Variants in BRI3BP observed in about 807,000 individuals in gnomAD.
BRI3BP encodes BRI3 binding protein.
A neutral mutation model predicts 15.8 loss-of-function variants in BRI3BP; 7 were observed. That is an observed-to-expected ratio of 0.44 (90% CI 0.25 to 0.83). The LOEUF (loss-of-function observed/expected upper bound fraction) is 0.83, where lower values mean the gene tolerates loss of function less well. Among genes scored for constraint, BRI3BP ranks in the 40% least tolerant of loss-of-function variants. The probability of loss-of-function intolerance (pLI) is 0.20; values close to 1 mark genes in which losing one functional copy is unlikely to be tolerated. For missense variants in BRI3BP, 320 were observed against 339.3 expected, an observed-to-expected ratio of 0.94 and a Z score of 0.45; for synonymous variants, 192 against 163.5, an observed-to-expected ratio of 1.17 and a Z score of -1.33.
In BRI3BP at chr12:125,025,061, C is replaced by G. The variant is rs1353244975; in HGVS notation, c.387C>G (p.Val129=). The G allele has an allele frequency of 6.2e-7, 1 of 1,613,536 alleles. No homozygotes were observed. The highest frequency in any genetic ancestry group is 1.7e-5 in the Admixed American group (1 of 60,014). Residue 129 remains valine (V), a synonymous_variant, in exon 3 of 3, where the codon GTC becomes GTG. Transcript: ENST00000341446. Reference sequence around the variant, plus strand: ...GCCCGGCCCGCGCGCTCCTGCTGGTCGGCGTCGTCCTCCTGGCCTACTGGT... The same window carrying G: ...GCCCGGCCCGCGCGCTCCTGCTGGTGGGCGTCGTCCTCCTGGCCTACTGGT... ...SSSPARALLL[V]GVVLLAYWFL...
At position 124,993,682 on chromosome 12, in the gene BRI3BP, G is replaced by A. The variant is rs1223036400; in HGVS notation, c.-109G>A. 1 of 582,064 alleles carries A rather than the reference G, an allele frequency of 1.7e-6. No homozygotes were observed. The highest frequency in any genetic ancestry group is 2.1e-5 in the African/African-American group (1 of 48,486). 36.1% of individuals were successfully genotyped at this position (582,064 alleles called of 1,614,324 possible). ...GCGGCGGCGGCGGCTGTGGGTAAAG[G>A]CGCGGCGCGCGGCCCCCGAGCGCGC... On this transcript the variant is annotated 5_prime_UTR_variant, in exon 1 of 3. Transcript: ENST00000341446.
In BRI3BP at chr12:125,000,829, G is replaced by A. The variant is rs932575563; in HGVS notation, c.213+6826G>A. 2.6e-5 allele frequency among the ~76,000 whole-genome samples: 4 copies of A among 152,010 alleles called. No individual in the cohort carries two copies. In the South Asian group the frequency reaches 6.2e-4, roughly 24 times the overall value. ...GATCATTTGAAAGTTAGTTGCAGAC[G>A]TCTTAATACTTTTTCCTACAGAACC... On this transcript the variant is annotated intron_variant, in intron 1 of 2. Transcript: ENST00000341446.
rs564989254 is a variant in BRI3BP, at chr12:125,001,606, G to A, written c.213+7603G>A. ...CCCAGGCTGGTCTCTTGACTCCTGG[G>A]CTCATGCGATCCTCCCGCCTTGGCC... On this transcript the variant is annotated intron_variant, in intron 1 of 2. Transcript: ENST00000341446. Among the ~76,000 whole-genome samples, 3 of 152,096 alleles carry A rather than the reference G, an allele frequency of 2.0e-5. No individual in the cohort carries two copies. The South Asian group carries it at 6.2e-4, about 32-fold the overall frequency.
intron 1 of BRI3BP, among the ~76,000 whole-genome samples, chr12:125,007,180 C>T (rs1162921407): frequency 3.3e-5 from 5 of 151,682 alleles, no homozygotes; most frequent in Non-Finnish European, 7.4e-5. Flanking sequence ...GCCTGGGTGA[C>T]AGAGTGAGAC....
chr12:125,003,740 G>A (rs1297931098), intron 1 of BRI3BP, among the ~76,000 whole-genome samples: 2 of 152,038 alleles, frequency 1.3e-5, no homozygotes, highest in Admixed American at 1.3e-4. Context: ...GTCACTAGAG[G>A]TCAGGAGTTT....
the BRI3BP span, among the ~76,000 whole-genome samples, chr12:125,048,015 TA>T: frequency 0.28 from 38,464 of 137,050 alleles, 5,289 homozygotes; most frequent in Middle Eastern, 0.38. Flanking sequence ...TTCTTATAGT[TA>T]AAAAAAAAAA....
At chr12:125,005,037 G>A (rs912110148) in intron 1 of BRI3BP, among the ~76,000 whole-genome samples, 2 of 152,040 alleles carry the variant, frequency 1.3e-5, no homozygotes, top group African/African-American at 4.8e-5. Flanking sequence ...GTAGAGTCAA[G>A]AGGTTTCACC....
At chr12:125,038,915 C>T in the BRI3BP span, among the ~76,000 whole-genome samples, 2 of 151,858 alleles carry the variant, frequency 1.3e-5, no homozygotes, top group Non-Finnish European at 2.9e-5. Context: ...CATGGTGAAA[C>T]CCCGTCTCTA....
chr12:125,018,286 T>C (rs55990575), intron 2 of BRI3BP, among the ~76,000 whole-genome samples: 34,582 of 151,948 alleles, frequency 0.23, 4,130 homozygotes, highest in South Asian at 0.4. Flanking sequence ...GAATTGTGTG[T>C]CCCCGTATTC....
chr12:125,005,598 C>T (rs1290746024), intron 1 of BRI3BP, among the ~76,000 whole-genome samples: 1 of 152,016 alleles, frequency 6.6e-6, no homozygotes, highest in East Asian at 1.9e-4. Context: ...GTTGAAACCC[C>T]ATCTCTACTA....
the BRI3BP span, among the ~76,000 whole-genome samples, chr12:125,042,479 CT>C: frequency 0.2 from 28,435 of 142,718 alleles, 2,680 homozygotes; most frequent in Middle Eastern, 0.29. Flanking sequence ...TGAATTTCAT[CT>C]TTTTTTTTTT....
chr12:125,032,412 C>G (rs575228733), downstream of BRI3BP, among the ~76,000 whole-genome samples: 1 of 151,702 alleles, frequency 6.6e-6, no homozygotes, highest in Non-Finnish European at 1.5e-5. Context: ...GAGCTGAAAT[C>G]GCGCCACTGC....
chr12:125,046,532 T>C, the BRI3BP span, among the ~76,000 whole-genome samples: 1 of 151,974 alleles, frequency 6.6e-6, no homozygotes, highest in African/African-American at 2.4e-5. Flanking sequence ...ACCACTGCAC[T>C]CCAGCCTGGG....
the BRI3BP span, among the ~76,000 whole-genome samples, chr12:125,042,387 G>A: frequency 6.6e-6 from 1 of 151,684 alleles, no homozygotes; most frequent in Non-Finnish European, 1.5e-5. Flanking sequence ...TTCTGTGACT[G>A]TTATGCAAGT....
the BRI3BP span, among the ~76,000 whole-genome samples, chr12:125,041,139 G>A: frequency 1.3e-5 from 2 of 151,950 alleles, no homozygotes; most frequent in South Asian, 2.1e-4. Flanking sequence ...CCTGCCTCTC[G>A]GGTTCATGCC....
chr12:125,013,082 C>CAAAT (rs376577527), intron 2 of BRI3BP, among the ~76,000 whole-genome samples: 150 of 152,136 alleles, frequency 9.9e-4, no homozygotes, highest in African/African-American at 3.3e-3. Flanking sequence ...AGACTCCTCT[C>CAAAT]AAATAATCAT....
At chr12:125,023,601 G>A (rs11057997) in intron 2 of BRI3BP, among the ~76,000 whole-genome samples, 72,850 of 151,998 alleles carry the variant, frequency 0.48, 19,350 homozygotes, top group African/African-American at 0.7. Flanking sequence ...AGGCTGGAGT[G>A]CAGTGGCACA....
At chr12:125,016,465 T>C (rs1015867001) in intron 2 of BRI3BP, among the ~76,000 whole-genome samples, 3 of 127,410 alleles carry the variant, frequency 2.4e-5, no homozygotes, top group African/African-American at 8.9e-5. Context: ...AGTAACCATG[T>C]CAAAAGAGTA....
chr12:125,038,823 C>T, the BRI3BP span, among the ~76,000 whole-genome samples: 34 of 152,052 alleles, frequency 2.2e-4, no homozygotes, highest in African/African-American at 7.2e-4. Context: ...CAGGCCTTGG[C>T]TCACGCCTGT....
Sources: gnomAD v4.1 joint callset for allele counts (sites outside exome capture counted in the v4.1 genomes callset) on GRCh38, gnomAD v4.1.1 for gene constraint, MANE v1.5 for transcripts, NCBI Gene and HGNC (gene_info 2026-07-23, HGNC 2026-07-21) for gene names.